The following GRK5 variants were observed in gnomAD, a reference collection of about 807,000 sequenced individuals.
GRK5 encodes the protein g protein-coupled receptor kinase GRK5.
A neutral mutation model predicts 78.4 loss-of-function variants in GRK5; 40 were observed. The observed-to-expected ratio is 0.51, with a 90% confidence interval of 0.40 to 0.66. GRK5 has a LOEUF of 0.66. Ranked by LOEUF, GRK5 falls within the 30% of genes least tolerant of loss-of-function variation. The pLI, the probability that GRK5 is intolerant of heterozygous loss-of-function variation, is 0.00. For missense variants in GRK5, 598 were observed against 759.9 expected, an observed-to-expected ratio of 0.79 and a Z score of 2.50; for synonymous variants, 289 against 296.8, an observed-to-expected ratio of 0.97 and a Z score of 0.27.
chr10:119,351,992 C>T (rs1033181721), intron 2 of GRK5, among the ~76,000 whole-genome samples: 1 of 152,250 alleles, frequency 6.6e-6, no homozygotes, highest in Non-Finnish European at 1.5e-5. Context: ...ATCCTTCCCT[C>T]TGCAGAGTGT....
chr10:119,347,320 T>C (rs1342592769), intron 2 of GRK5, among the ~76,000 whole-genome samples: 1 of 152,168 alleles, frequency 6.6e-6, no homozygotes, highest in Non-Finnish European at 1.5e-5. Flanking sequence ...TTTGTATGTG[T>C]CCGTATATTT....
chr10:119,294,595 G>A (rs1850046303), intron 1 of GRK5, among the ~76,000 whole-genome samples: 2 of 152,138 alleles, frequency 1.3e-5, no homozygotes, highest in Non-Finnish European at 2.9e-5. Context: ...GGAGATTTGG[G>A]TCTAGACTCT....
rs1056909415 is a variant in GRK5 at position 119,436,929 on chromosome 10, G to A, written c.929+88G>A. 3.0e-5 allele frequency: 38 copies of A among 1,261,924 alleles called. 1 individual carries two copies. Among genetic ancestry groups the A allele is most frequent in the Non-Finnish European group, 3.7e-5 (34 of 917,946 alleles). The allele number at this position is 1,261,924 out of a possible 1,614,324, so 78.2% of individuals were successfully genotyped here. Reference sequence around the variant, plus strand: ...CACCCTCGGGCAGGTGGTTGCCATCGCTCTGGGAATCAGCCCTGGTCAGCA... The same window carrying A: ...CACCCTCGGGCAGGTGGTTGCCATCACTCTGGGAATCAGCCCTGGTCAGCA... On this transcript the variant is annotated intron_variant, in intron 9 of 15. Coordinates refer to ENST00000392870, the MANE Select transcript of GRK5 (RefSeq NM_005308.3).
chr10:119,218,035 A>G (rs1397536216), intron 1 of GRK5, among the ~76,000 whole-genome samples: 3 of 151,962 alleles, frequency 2.0e-5, no homozygotes, highest in African/African-American at 7.3e-5. Flanking sequence ...TTTCAGTGGT[A>G]ACCTTGAGTG....
chr10:119,437,032 C>T (rs1852935060), intron 9 of GRK5, among the ~76,000 whole-genome samples, 191 bp downstream of exon 9: 1 of 152,198 alleles, frequency 6.6e-6, no homozygotes, highest in Non-Finnish European at 1.5e-5. Flanking sequence ...GCGAGGTGGG[C>T]CACCCTCTGG....
chr10:119,299,933 G>A (rs1850146900), intron 1 of GRK5, among the ~76,000 whole-genome samples: 1 of 151,970 alleles, frequency 6.6e-6, no homozygotes, highest in Non-Finnish European at 1.5e-5. Flanking sequence ...ATTTACATTA[G>A]GTATATCTCC....
At chr10:119,447,449 CGT>C (rs943778274) in intron 12 of GRK5, among the ~76,000 whole-genome samples, 3 of 152,290 alleles carry the variant, frequency 2.0e-5, no homozygotes, top group African/African-American at 7.2e-5. Context: ...TCACCCTGCA[CGT>C]CCTGCCACTC....
At position 119,417,853 on chromosome 10, in the gene GRK5, G is replaced by A. The variant is rs114419117; in HGVS notation, c.340-5313G>A. On this transcript the variant is annotated intron_variant, in intron 4 of 15. Transcript: ENST00000392870. ...TGCCCTACTTATGTTCCAAGTGATG[G>A]GAAGAGCTTTTCTCCGTGCCCTGTG... Among the ~76,000 whole-genome samples, 1,318 of 152,244 alleles carry A rather than the reference G, an allele frequency of 8.7e-3. 21 individuals are homozygous for A. The highest frequency in any genetic ancestry group is 0.03 in the African/African-American group (1,262 of 41,524).
At chr10:119,404,824 C>T (rs940481104) in intron 4 of GRK5, among the ~76,000 whole-genome samples, 9 of 152,196 alleles carry the variant, frequency 5.9e-5, no homozygotes, top group Non-Finnish European at 8.8e-5. Context: ...TAGGACTGCA[C>T]GGGCCTCTTA....
At chr10:119,303,307 G>T (rs1490742206) in intron 1 of GRK5, among the ~76,000 whole-genome samples, 1 of 152,248 alleles carries the variant, frequency 6.6e-6, no homozygotes, top group Non-Finnish European at 1.5e-5. Context: ...AGCAGGATTA[G>T]ATAAGAGAAT....
chr10:119,443,643 G>A lies in GRK5; in HGVS notation c.1157G>A (p.Arg386His), dbSNP rs775281279. The change falls in exon 12 of 16, where the codon CGC (arginine) becomes CAC (histidine). Residue 386 changes from arginine (R) to histidine (H), a missense_variant. By Grantham distance (29) the Arg-to-His change is conservative. Coordinates refer to ENST00000392870, the MANE Select transcript of GRK5 (RefSeq NM_005308.3). ...ATGATCGAGGGCCAGTCGCCGTTCC[G>A]CGGCCGCAAGGAGAAGGTGAAGCGG... Reference protein sequence around the residue: ...YEMIEGQSPFRGRKEKVKREE... With the variant: ...YEMIEGQSPFHGRKEKVKREE... 8.1e-6 allele frequency: 13 copies of A among 1,613,408 alleles called. No homozygotes were observed. The highest frequency in any genetic ancestry group is 2.2e-5 in the East Asian group (1 of 44,884).
At chr10:119,342,417 C>T (rs188181800) in intron 2 of GRK5, among the ~76,000 whole-genome samples, 1 of 152,224 alleles carries the variant, frequency 6.6e-6, no homozygotes, top group Non-Finnish European at 1.5e-5. Flanking sequence ...TTAGATTTCC[C>T]TGAACCTCAG....
intron 2 of GRK5, among the ~76,000 whole-genome samples, chr10:119,351,647 C>T (rs1851186540): frequency 1.3e-5 from 2 of 152,100 alleles, no homozygotes; most frequent in South Asian, 2.1e-4. Context: ...TGGACTAAGA[C>T]ACTATTATAG....
intron 1 of GRK5, among the ~76,000 whole-genome samples, chr10:119,227,750 T>C (rs957237659): frequency 1.3e-5 from 2 of 152,198 alleles, no homozygotes; most frequent in Non-Finnish European, 2.9e-5. Flanking sequence ...AAATCTAAGA[T>C]ATATAGAATC....
At chr10:119,213,583 T>C (rs1409084862) in intron 1 of GRK5, among the ~76,000 whole-genome samples, 1 of 152,118 alleles carries the variant, frequency 6.6e-6, no homozygotes, top group Non-Finnish European at 1.5e-5. Flanking sequence ...TTAAAACATA[T>C]CCTGTTATAT....
chr10:119,290,468 C>T (rs949973236), intron 1 of GRK5, among the ~76,000 whole-genome samples: 11 of 152,120 alleles, frequency 7.2e-5, no homozygotes, highest in Admixed American at 2.6e-4. Flanking sequence ...TGCAATAGCC[C>T]CTAAAATGCT....
intron 1 of GRK5, among the ~76,000 whole-genome samples, chr10:119,272,851 G>A (rs946427501): frequency 3.9e-5 from 6 of 152,238 alleles, no homozygotes; most frequent in East Asian, 3.9e-4. Flanking sequence ...ACTTGTTCTC[G>A]CATTGATAGA....
intron 1 of GRK5, among the ~76,000 whole-genome samples, chr10:119,322,970 C>A (rs572552075): frequency 6.6e-6 from 1 of 152,224 alleles, no homozygotes; most frequent in African/African-American, 2.4e-5. Flanking sequence ...TATTATTCAG[C>A]CTTCAAAACA....
At chr10:119,317,752 G>A (rs180854621) in intron 1 of GRK5, among the ~76,000 whole-genome samples, 4 of 152,052 alleles carry the variant, frequency 2.6e-5, no homozygotes, top group Non-Finnish European at 4.4e-5. Flanking sequence ...TTTTCCAAGC[G>A]TGTGTGTGTC....
Sources: gnomAD v4.1 joint callset for allele counts (sites outside exome capture counted in the v4.1 genomes callset) on GRCh38, gnomAD v4.1.1 for gene constraint, MANE v1.5 for transcripts, NCBI Gene and HGNC (gene_info 2026-07-23, HGNC 2026-07-21) for gene names.